RUSC1: variants seen among roughly 807,000 people sequenced by gnomAD.
The protein encoded by RUSC1 is AP-4 complex accessory subunit RUSC1.
In RUSC1, 40 loss-of-function variants were observed where a neutral mutation model predicts 72.1. The ratio of observed to expected loss-of-function variants is 0.55; its 90% CI spans 0.43 to 0.72. The LOEUF (loss-of-function observed/expected upper bound fraction) is 0.72. Among genes scored for constraint, RUSC1 ranks in the 30% least tolerant of loss-of-function variants. The pLI is 0.00. For missense variants in RUSC1, 1,092 were observed against 1,172.3 expected (o/e 0.93, Z 1.00); for synonymous variants, 512 against 494.2 (o/e 1.04, Z -0.48).
chr1:155,321,672 C>T lies in RUSC1; in HGVS notation c.-86-16C>T, dbSNP rs1650541463. On this transcript the variant is annotated splice_polypyrimidine_tract_variant and intron_variant, in intron 1 of 9. Transcript: ENST00000368352. ...CTTGTCCTCACTGGCCGGGCTTCAC[C>T]ACCTCTGTCTTCTAGGTCTGCACCT... 8 of 1,488,604 alleles carry T rather than the reference C, an allele frequency of 5.4e-6. No individual in the cohort carries two copies. The highest frequency in any genetic ancestry group is 7.4e-6 in the Non-Finnish European group (8 of 1,084,168). The allele number at this position is 1,488,604 out of a possible 1,614,324, so 92.2% of individuals were successfully genotyped here.
chr1:155,328,008 A>C lies in RUSC1; in HGVS notation c.2415-142A>C, dbSNP rs1026201073. The C allele has an allele frequency of 7.0e-5, 74 of 1,050,364 alleles. 1 individual carries two copies. The highest frequency in any genetic ancestry group is 6.2e-4 in the African/African-American group (39 of 62,666). The allele number at this position is 1,050,364 out of a possible 1,614,324, so 65.1% of individuals were successfully genotyped here. A position where few individuals can be genotyped will look rare whatever the true frequency, so the allele number is the denominator to read the frequency against. On this transcript the variant is annotated intron_variant, in intron 8 of 9. Coordinates refer to ENST00000368352, the MANE Select transcript of RUSC1 (RefSeq NM_001105203.2). ...TAAAAGTGCCTGTGTCCAATAATGA[A>C]CACTCTGCCCTCAGCAGTGACTAAC...
rs1300651163 is a variant in RUSC1, at chr1:155,325,372, C to A, written c.1590C>A (p.Thr530=). ...ATGTGGGGCACCTGGTGCTGACCAC[C>A]CTCTGCCCGGCCCTCCACGCCCTGG... ...SPDVGHLVLT[T]LCPALHALVA... is the part of the protein sequence containing the mutation. The change falls in exon 5 of 10, where the codon ACC becomes ACA. Residue 530 remains threonine, a synonymous_variant. Coordinates refer to ENST00000368352, the MANE Select transcript of RUSC1 (RefSeq NM_001105203.2). This position sits in a 1 kb window ranked among gnomAD's most constrained non-coding sequence, Gnocchi z 6.5. 2 of 1,595,910 alleles carry A rather than the reference C, an allele frequency of 1.3e-6. No individual in the cohort carries two copies. Among genetic ancestry groups the A allele is most frequent in the Non-Finnish European group, 1.7e-6 (2 of 1,175,538 alleles).
chr1:155,324,499 G>A (rs774990495), intron 2 of RUSC1: 1 of 1,605,900 alleles, frequency 6.2e-7, no homozygotes. Flanking sequence ...CCCTCCCCGC[G>A]CCCCGTCCTC....
At position 155,329,953 on chromosome 1, in the gene RUSC1, GAAAAAAAAAAAA is replaced by G. The variant is rs1025418792; in HGVS notation, c.2541-438_2541-427del. On this transcript the variant is annotated intron_variant, in intron 9 of 9. Coordinates refer to ENST00000368352, the MANE Select transcript of RUSC1 (RefSeq NM_001105203.2). ...ACAACAGAGACTGACTCTGTCTCAAGAAAAAAAAAAAAAAAAAAAAAAAGTAGATGGAGTAGT... is the reference window on the plus strand; with the variant it reads ...ACAACAGAGACTGACTCTGTCTCAAGAAAAAAAAAAAGTAGATGGAGTAGT... Among the ~76,000 whole-genome samples the G allele has an allele frequency of 1.3e-3, 60 of 45,982 alleles. 1 individual carries two copies. Among genetic ancestry groups the G allele is most frequent in the African/African-American group, 3.7e-3 (55 of 15,066 alleles). The allele number at this position is 45,982 out of a possible 152,430, so 30.2% of individuals were successfully genotyped here.
Position 155,325,564 on chromosome 1 carries a change from C to T in RUSC1, c.1709-3C>T, listed in dbSNP as rs369527454. Reference sequence around the variant, plus strand: ...CTTGGCTGACTGCACCCCACGTTCTCAGGCTCCAGCACCCGCTCCCTTGGA... The same window carrying T: ...CTTGGCTGACTGCACCCCACGTTCTTAGGCTCCAGCACCCGCTCCCTTGGA... On this transcript the variant is annotated splice_region_variant and splice_polypyrimidine_tract_variant and intron_variant, in intron 5 of 9. Coordinates refer to ENST00000368352, the MANE Select transcript of RUSC1 (RefSeq NM_001105203.2). This position sits in a 1 kb window ranked among gnomAD's most constrained non-coding sequence, Gnocchi z 6.5. 2.5e-6 allele frequency: 4 copies of T among 1,609,220 alleles called. No homozygotes were observed. The African/African-American group carries it at 5.3e-5, about 21-fold the overall frequency.
chr1:155,322,402 C>T lies in RUSC1; in HGVS notation c.629C>T (p.Ser210Phe). The T allele has an allele frequency of 2.5e-6, 4 of 1,614,190 alleles. No homozygotes were observed. Among genetic ancestry groups the T allele is most frequent in the Non-Finnish European group, 3.4e-6 (4 of 1,180,024 alleles). ...DERAEQDLPTSELLEADDGKI... is the reference protein window; with the variant it reads ...DERAEQDLPTFELLEADDGKI... ...AGGGCGGAGCAGGATCTCCCTACCT[C>T]TGAGCTCTTAGAGGCGGATGATGGG... The change falls in exon 2 of 10, where the codon TCT becomes TTT. Residue 210 changes from serine to phenylalanine, a missense_variant. By Grantham distance (155) the Ser-to-Phe change is radical. Transcript: ENST00000368352.
At chr1:155,328,371 A>C in intron 9 of RUSC1, 96 bp downstream of exon 9, 1 of 1,324,570 alleles carries the variant, frequency 7.5e-7, no homozygotes, top group Non-Finnish European at 1.0e-6. Flanking sequence ...CTTTAAAATA[A>C]GACCGTGCTT....
intron 1 of RUSC1, 84 bp downstream of exon 1, chr1:155,321,075 TAGAG>T: frequency 7.1e-7 from 1 of 1,409,552 alleles, no homozygotes; most frequent in Non-Finnish European, 9.5e-7. Flanking sequence ...GAGAAATGAA[TAGAG>T]AAAGGGTGCG....
rs773179537 is a variant in RUSC1, at chr1:155,327,089, C to A, written c.2371C>A (p.Pro791Thr). 6.2e-7 allele frequency: 1 copy of A among 1,609,036 alleles called. No individual in the cohort carries two copies. Among genetic ancestry groups the A allele is most frequent in the Non-Finnish European group, 8.5e-7 (1 of 1,176,826 alleles). Reference sequence around the variant, plus strand: ...CTGGTTGGGAAGACTATTTGGAGTGCCTGGGGGCCCCGCAGAAAATGAGAA... The same window carrying A: ...CTGGTTGGGAAGACTATTTGGAGTGACTGGGGGCCCCGCAGAAAATGAGAA... ...GLWLGRLFGVPGGPAENENGA... is the reference protein window; with the variant it reads ...GLWLGRLFGVTGGPAENENGA... Residue 791 changes from proline (P) to threonine (T), a missense_variant, in exon 8 of 10, where the codon CCT (proline) becomes ACT (threonine). Transcript: ENST00000368352.
intron 9 of RUSC1, 134 bp from the exon 10 acceptor site, chr1:155,330,269 G>T: frequency 1.2e-6 from 1 of 848,720 alleles, no homozygotes. Context: ...TTGATGAATG[G>T]TTCTCAAGTC....
In RUSC1 at chr1:155,321,788, G is replaced by A. The variant is rs758783066; in HGVS notation, c.15G>A (p.Gln5=). 15 of 1,613,994 alleles carry A rather than the reference G, an allele frequency of 9.3e-6. No individual in the cohort carries two copies. In the South Asian group the frequency reaches 1.4e-4, roughly 15 times the overall value. ...CCGCTAGCATCATGCTGTCCCCTCA[G>A]AGAGCTTTACTCTGCAACCTCAACC... MLSP[Q]RALLCNLNHI... Residue 5 remains glutamine (Q), a synonymous_variant, in exon 2 of 10, where the codon CAG becomes CAA. Transcript: ENST00000368352.
At position 155,325,084 on chromosome 1, in the gene RUSC1, C is replaced by T. The variant is rs1371022271; in HGVS notation, c.1457-18C>T. On this transcript the variant is annotated intron_variant, in intron 3 of 9. Transcript: ENST00000368352. The surrounding 1 kb of genome is among the most constrained non-coding windows in gnomAD (Gnocchi z 6.5). ...GGGGCGCGGCCTCCTAGCGTCTTCC[C>T]TTTCCCACTCCTCCCAGGTCTTCTG... 1.2e-6 allele frequency: 2 copies of T among 1,614,152 alleles called. No homozygotes were observed. Among genetic ancestry groups the T allele is most frequent in the African/African-American group, 2.7e-5 (2 of 74,950 alleles).
intron 2 of RUSC1, 194 bp from the exon 3 acceptor site, chr1:155,324,651 T>C: frequency 2.6e-6 from 4 of 1,526,504 alleles, no homozygotes. Flanking sequence ...CAGCGAGTGC[T>C]GGGAAGTGTG....
Position 155,321,946 on chromosome 1 carries a change from C to T in RUSC1, c.173C>T (p.Thr58Ile), listed in dbSNP as rs552377392. ...GAGAGCAGGGGCCCCTGCAGTGGCA[C>T]CCTGGTGGACGCCAATTCCAACAGC... ...GKESRGPCSGTLVDANSNSPA... is the reference protein window; with the variant it reads ...GKESRGPCSGILVDANSNSPA... The change falls in exon 2 of 10, where the codon ACC becomes ATC. Residue 58 changes from threonine (T) to isoleucine (I), a missense_variant. Transcript: ENST00000368352. 1.2e-6 allele frequency: 2 copies of T among 1,601,558 alleles called. No individual in the cohort carries two copies. The highest frequency in any genetic ancestry group is 1.1e-5 in the South Asian group (1 of 89,382).
Position 155,322,244 on chromosome 1 carries a change from G to A in RUSC1, c.471G>A (p.Pro157=), listed in dbSNP as rs1447075523. 1 of 1,612,956 alleles carries A rather than the reference G, an allele frequency of 6.2e-7. No individual in the cohort carries two copies. The highest frequency in any genetic ancestry group is 8.5e-7 in the Non-Finnish European group (1 of 1,179,274). ...CAGCAGGCCCTGGCACCTGCTCACCGGACAGCTTCTGCTGCTCTCCTGATT... is the reference window on the plus strand; with the variant it reads ...CAGCAGGCCCTGGCACCTGCTCACCAGACAGCTTCTGCTGCTCTCCTGATT... ...LASAGPGTCS[P]DSFCCSPDSC... is the part of the protein sequence containing the mutation. Residue 157 remains proline, a synonymous_variant, in exon 2 of 10, where the codon CCG becomes CCA. Coordinates refer to ENST00000368352, the MANE Select transcript of RUSC1 (RefSeq NM_001105203.2).
In RUSC1 at chr1:155,321,644, G is replaced by A. The variant is rs891607701; in HGVS notation, c.-86-44G>A. ...AGTCACCTCGGTGTCCTTCCCCGCA[G>A]CTCTTGTCCTCACTGGCCGGGCTTC... On this transcript the variant is annotated intron_variant, in intron 1 of 9. Transcript: ENST00000368352. 2.5e-5 allele frequency: 34 copies of A among 1,345,160 alleles called. No homozygotes were observed. In the East Asian group the frequency reaches 7.8e-4, roughly 31 times the overall value. The allele number at this position is 1,345,160 out of a possible 1,614,324, so 83.3% of individuals were successfully genotyped here.
intron 2 of RUSC1, among the ~76,000 whole-genome samples, 153 bp downstream of exon 2, chr1:155,323,283 G>C (rs1268805620): frequency 6.6e-6 from 1 of 152,112 alleles, no homozygotes; most frequent in Non-Finnish European, 1.5e-5. Context: ...GAAACTGGGT[G>C]GGTCATTGGG....
rs1296397741 is a variant in RUSC1, at chr1:155,321,785, T to G, written c.12T>G (p.Pro4=). The G allele has an allele frequency of 5.0e-6, 8 of 1,613,976 alleles. No individual in the cohort carries two copies. The highest frequency in any genetic ancestry group is 6.8e-6 in the Non-Finnish European group (8 of 1,179,998). Residue 4 remains proline, a synonymous_variant, in exon 2 of 10, where the codon CCT becomes CCG. Coordinates refer to ENST00000368352, the MANE Select transcript of RUSC1 (RefSeq NM_001105203.2). MLS[P]QRALLCNLNH... ...TCGCCGCTAGCATCATGCTGTCCCC[T>G]CAGAGAGCTTTACTCTGCAACCTCA...
intron 2 of RUSC1, chr1:155,323,971 T>G: frequency 2.0e-6 from 2 of 1,006,280 alleles, no homozygotes; most frequent in Non-Finnish European, 1.2e-6. Context: ...CCTTGGGGAG[T>G]CTGGCCCCGT....
Sources: allele counts gnomAD v4.1 joint callset (sites outside exome capture counted in the v4.1 genomes callset), GRCh38; gene constraint gnomAD v4.1.1; non-coding constraint Gnocchi (gnomAD v3.1); transcripts MANE v1.5; gene names NCBI Gene and HGNC (gene_info 2026-07-23, HGNC 2026-07-21).